USH2A: variants seen among roughly 807,000 people sequenced by gnomAD.
The protein encoded by USH2A is Usher syndrome 2A (autosomal recessive, mild).
A neutral mutation model predicts 538.9 loss-of-function variants in USH2A; 443 were observed. The ratio of observed to expected loss-of-function variants is 0.82; its 90% confidence interval spans 0.76 to 0.89. The LOEUF (loss-of-function observed/expected upper bound fraction) is 0.89, where lower values mean the gene tolerates loss of function less well. USH2A is among the 40% of genes least tolerant of loss of function. The probability of loss-of-function intolerance (pLI) is 0.00; values close to 1 mark genes in which losing one functional copy is unlikely to be tolerated. For synonymous variants in USH2A, 2,413 were observed against 2,273.5 expected (o/e 1.06, Z -1.75); for missense variants, 6,633 against 6,324.8 (o/e 1.05, Z -1.65).
intron 37 of USH2A, among the ~76,000 whole-genome samples, chr1:215,937,028 A>C (rs1291160205): frequency 2.0e-5 from 3 of 152,114 alleles, no homozygotes; most frequent in Non-Finnish European, 4.4e-5. Flanking sequence ...TACTGTTACA[A>C]AATACTCAGG....
chr1:216,163,428 C>T (rs1026945792), intron 21 of USH2A, among the ~76,000 whole-genome samples: 4 of 151,880 alleles, frequency 2.6e-5, no homozygotes, highest in Non-Finnish European at 5.9e-5. Context: ...TATGCAAATA[C>T]ATATTTCCAT....
chr1:215,972,007 T>C (rs1667504266), intron 35 of USH2A, among the ~76,000 whole-genome samples: 1 of 152,174 alleles, frequency 6.6e-6, no homozygotes, highest in African/African-American at 2.4e-5. Flanking sequence ...TGGTGAAAAG[T>C]ACAAGGGTGT....
At chr1:215,885,103 C>T (rs1665012694) in intron 41 of USH2A, among the ~76,000 whole-genome samples, 1 of 151,768 alleles carries the variant, frequency 6.6e-6, no homozygotes, top group African/African-American at 2.4e-5. Context: ...TTCAAGGCTT[C>T]AGTACAGCAG....
intron 30 of USH2A, among the ~76,000 whole-genome samples, chr1:216,066,247 A>G (rs922214614): frequency 1.6e-4 from 24 of 151,984 alleles, no homozygotes; most frequent in South Asian, 2.1e-4. Flanking sequence ...AAGGTGGGTG[A>G]ATCACGAGGT....
intron 58 of USH2A, among the ~76,000 whole-genome samples, chr1:215,748,426 T>G (rs1660542465): frequency 6.6e-6 from 1 of 152,206 alleles, no homozygotes; most frequent in South Asian, 2.1e-4. Context: ...AATATATTAT[T>G]TTTTGGATGA....
intron 55 of USH2A, among the ~76,000 whole-genome samples, chr1:215,773,486 C>CTGTCTG (rs1335738486): frequency 7.1e-5 from 7 of 98,994 alleles, no homozygotes; most frequent in African/African-American, 3.5e-4. Flanking sequence ...GTCTCTCTGT[C>CTGTCTG]TCTCTGTCTC....
chr1:215,958,558 CAG>C (rs2102448292), intron 37 of USH2A, among the ~76,000 whole-genome samples: 1 of 152,200 alleles, frequency 6.6e-6, no homozygotes, highest in East Asian at 1.9e-4. Context: ...CCAATTATAA[CAG>C]AAGAAAAAGT....
intron 11 of USH2A, 70 bp from the exon 12 acceptor site, chr1:216,251,168 A>G: frequency 6.6e-7 from 1 of 1,518,772 alleles, no homozygotes; most frequent in South Asian, 1.1e-5. Flanking sequence ...CATTAGGTAC[A>G]AGACAGGGAG....
intron 38 of USH2A, among the ~76,000 whole-genome samples, chr1:215,919,591 A>G (rs1031638106): frequency 6.6e-6 from 1 of 152,050 alleles, no homozygotes; most frequent in African/African-American, 2.4e-5. Context: ...TAATCAGAGG[A>G]GAGATGGAAT....
chr1:215,992,997 T>C lies in USH2A; in HGVS notation c.6805+23A>G, dbSNP rs778493387. 4 of 1,613,872 alleles carry C rather than the reference T, an allele frequency of 2.5e-6. No homozygotes were observed. In the African/African-American group the frequency reaches 5.3e-5, roughly 22 times the overall value. ...ACCTTTGCTAATCATCTTTTTAACT[T>C]GAGGCTAAAAGAGTTCACTTACCAT... On this transcript the variant is annotated intron_variant, in intron 35 of 71. Transcript: ENST00000307340.
At chr1:216,063,823 T>C (rs1031820591) in intron 30 of USH2A, among the ~76,000 whole-genome samples, 2 of 152,202 alleles carry the variant, frequency 1.3e-5, no homozygotes, top group Non-Finnish European at 1.5e-5. Flanking sequence ...TCCCACAGGC[T>C]AATTGATGTA....
intron 11 of USH2A, among the ~76,000 whole-genome samples, chr1:216,251,771 T>A (rs1391519985): frequency 1.3e-5 from 2 of 152,130 alleles, no homozygotes; most frequent in Non-Finnish European, 2.9e-5. Context: ...TTGTTTACTG[T>A]CTCATTGATT....
rs892577865 is a variant in USH2A at position 215,998,344 on chromosome 1, C to T, written c.6657+543G>A. On this transcript the variant is annotated intron_variant, in intron 34 of 71. Transcript: ENST00000307340. ...GTGCTATTTTTGCATTTAAAAAATG[C>T]TATTGTTTGTCTAAGGGAACCTCTA... Among the ~76,000 whole-genome samples the T allele has an allele frequency of 9.9e-5, 15 of 152,050 alleles. No homozygotes were observed. In the East Asian group the frequency reaches 1.4e-3, roughly 14 times the overall value.
chr1:216,257,701 T>A (rs1241498296), intron 11 of USH2A, among the ~76,000 whole-genome samples: 1 of 152,014 alleles, frequency 6.6e-6, no homozygotes, highest in Non-Finnish European at 1.5e-5. Context: ...CTCTAAAAGT[T>A]GTCCCACAGC....
intron 21 of USH2A, among the ~76,000 whole-genome samples, chr1:216,130,675 GTA>G (rs375640302): frequency 1.4e-5 from 2 of 145,920 alleles, no homozygotes. Context: ...TATATATCAC[GTA>G]TATATATATA....
At chr1:215,804,731 C>T (rs1323221271) in intron 49 of USH2A, among the ~76,000 whole-genome samples, 1 of 152,092 alleles carries the variant, frequency 6.6e-6, no homozygotes, top group Non-Finnish European at 1.5e-5. Context: ...TGTGGCGATT[C>T]CTCAGGGATC....
intron 32 of USH2A, among the ~76,000 whole-genome samples, chr1:216,019,683 G>T (rs1176931840): frequency 6.6e-6 from 1 of 152,142 alleles, no homozygotes; most frequent in Non-Finnish European, 1.5e-5. Context: ...ACTTGCTCTA[G>T]TAGTTACAAA....
intron 21 of USH2A, among the ~76,000 whole-genome samples, chr1:216,112,652 C>T (rs922002985): frequency 1.3e-5 from 2 of 151,968 alleles, no homozygotes; most frequent in Non-Finnish European, 2.9e-5. Flanking sequence ...TCTGTTGTTC[C>T]TTTGTGTTCA....
At chr1:216,173,637 C>T (rs868260049) in intron 21 of USH2A, among the ~76,000 whole-genome samples, 3 of 152,136 alleles carry the variant, frequency 2.0e-5, no homozygotes, top group African/African-American at 7.2e-5. Context: ...GCCCTTGCAC[C>T]TCAGAGTATA....
Sources: gnomAD v4.1 joint callset for allele counts (sites outside exome capture counted in the v4.1 genomes callset) on GRCh38, gnomAD v4.1.1 for gene constraint, MANE v1.5 for transcripts, NCBI Gene and HGNC (gene_info 2026-07-23, HGNC 2026-07-21) for gene names.